The following EYA3 variants were observed in gnomAD, a reference collection of about 807,000 sequenced individuals.
The protein encoded by EYA3 is EYA transcriptional coactivator and phosphatase 3, also known as protein phosphatase EYA3.
In EYA3, 39 loss-of-function variants were observed where a neutral mutation model predicts 80.0. That is an observed-to-expected ratio of 0.49 (90% CI 0.38 to 0.64). The LOEUF (loss-of-function observed/expected upper bound fraction) is 0.64. Ranked by LOEUF, EYA3 falls within the 30% of genes least tolerant of loss-of-function variation. The probability of loss-of-function intolerance (pLI) is 0.00; values close to 1 mark genes in which losing one functional copy is unlikely to be tolerated. For missense variants in EYA3, 523 were observed against 676.1 expected (o/e 0.77, Z 2.51); for synonymous variants, 206 against 232.8 (o/e 0.88, Z 1.05).
intron 9 of EYA3, among the ~76,000 whole-genome samples, chr1:28,011,369 A>G (rs1641685447): frequency 1.3e-5 from 2 of 152,228 alleles, no homozygotes; most frequent in Non-Finnish European, 2.9e-5. Context: ...CTGAATCTTC[A>G]TGGTCAAACT....
intron 5 of EYA3, among the ~76,000 whole-genome samples, chr1:28,036,070 C>T (rs190810882): frequency 6.6e-6 from 1 of 152,346 alleles, no homozygotes; most frequent in Non-Finnish European, 1.5e-5. Flanking sequence ...CCACCTTGGC[C>T]TCCCAAACTG....
At chr1:28,010,360 C>T (rs1641601339) in intron 10 of EYA3, among the ~76,000 whole-genome samples, 2 of 152,110 alleles carry the variant, frequency 1.3e-5, no homozygotes, top group African/African-American at 4.8e-5. Context: ...CTTACAGAAA[C>T]TTGGCTAAAA....
At chr1:28,002,021 T>G (rs1640893401) in intron 11 of EYA3, among the ~76,000 whole-genome samples, 1 of 152,162 alleles carries the variant, frequency 6.6e-6, no homozygotes, top group African/African-American at 2.4e-5. Flanking sequence ...GTTCAAGCGA[T>G]TCTCCTGCCT....
intron 11 of EYA3, among the ~76,000 whole-genome samples, chr1:28,002,260 G>A (rs1232697892): frequency 2.6e-5 from 4 of 151,930 alleles, no homozygotes; most frequent in African/African-American, 9.7e-5. Context: ...TGTTGGCCAG[G>A]CTGGTCTCGA....
chr1:28,053,949 G>A (rs761457569), intron 2 of EYA3, among the ~76,000 whole-genome samples: 1 of 152,210 alleles, frequency 6.6e-6, no homozygotes, highest in Non-Finnish European at 1.5e-5. Flanking sequence ...AAGCATGCTA[G>A]TGCTAGGTAA....
intron 3 of EYA3, among the ~76,000 whole-genome samples, chr1:28,047,006 T>C (rs902747607): frequency 3.3e-5 from 5 of 151,592 alleles, no homozygotes; most frequent in African/African-American, 1.2e-4. Flanking sequence ...CCACCATTCC[T>C]GGATAATTGT....
chr1:27,992,461 G>A (rs1029866258), intron 14 of EYA3, among the ~76,000 whole-genome samples: 2 of 152,142 alleles, frequency 1.3e-5, no homozygotes, highest in African/African-American at 4.8e-5. Flanking sequence ...CTCACTTGCC[G>A]GCCTGCTCAC....
At chr1:28,088,071 G>A (rs1410328418) in intron 1 of EYA3, among the ~76,000 whole-genome samples, 1 of 152,178 alleles carries the variant, frequency 6.6e-6, no homozygotes, top group Non-Finnish European at 1.5e-5. Context: ...GGGGGACAAG[G>A]AACTAGGACC....
chr1:28,031,046 G>A (rs1230580464), intron 6 of EYA3, among the ~76,000 whole-genome samples: 1 of 152,058 alleles, frequency 6.6e-6, no homozygotes, highest in Non-Finnish European at 1.5e-5. Flanking sequence ...AATAACAATA[G>A]TATCAACTGA....
intron 5 of EYA3, among the ~76,000 whole-genome samples, chr1:28,036,346 T>TA (rs1483349781): frequency 2.0e-5 from 3 of 152,112 alleles, no homozygotes; most frequent in African/African-American, 7.2e-5. Flanking sequence ...AATCCTAATA[T>TA]AATAGAAAAC....
chr1:28,008,643 A>G (rs953020690), intron 10 of EYA3, among the ~76,000 whole-genome samples: 11 of 152,098 alleles, frequency 7.2e-5, no homozygotes, highest in Admixed American at 3.9e-4. Flanking sequence ...ACAATGAAAA[A>G]CCAAACAACC....
intron 14 of EYA3, among the ~76,000 whole-genome samples, chr1:27,991,462 C>G (rs1234548233): frequency 1.3e-5 from 2 of 152,128 alleles, no homozygotes; most frequent in Non-Finnish European, 2.9e-5. Context: ...TGGGAGCCTG[C>G]TCTCAGACAC....
rs955498196 is a variant in EYA3, at chr1:27,986,019, T to TA, written c.1540+2515dup. On this transcript the variant is annotated intron_variant, in intron 16 of 17. Transcript: ENST00000373871. ...CTTGATGTTTATTTTCTTTTTCCTT[T>TA]AAAAAAAAAAGCTGGTAAAATATGC... Among the ~76,000 whole-genome samples the TA allele has an allele frequency of 2.7e-3, 406 of 147,812 alleles. 3 individuals are homozygous for TA. The highest frequency in any genetic ancestry group is 8.0e-3 in the African/African-American group (323 of 40,412).
intron 10 of EYA3, among the ~76,000 whole-genome samples, chr1:28,004,947 G>A (rs1209133023): frequency 6.6e-6 from 1 of 151,906 alleles, no homozygotes; most frequent in Non-Finnish European, 1.5e-5. Context: ...TGGCTAAATT[G>A]ACTAAGGGAA....
chr1:28,037,884 G>A (rs949662170), intron 5 of EYA3, among the ~76,000 whole-genome samples: 1 of 152,154 alleles, frequency 6.6e-6, no homozygotes, highest in Admixed American at 6.5e-5. Flanking sequence ...GTATCCAGCA[G>A]CTGTAAGCAC....
chr1:28,084,572 TATATATATATATATATATATA>T (rs1645553303), intron 1 of EYA3, among the ~76,000 whole-genome samples: 2 of 11,654 alleles, frequency 1.7e-4, no homozygotes, highest in African/African-American at 3.5e-4. Flanking sequence ...TATATATATA[TATATATATATATATATATATA>T]TATTTTTTTT....
At chr1:28,048,272 G>A in intron 3 of EYA3, 111 bp downstream of exon 3, 1 of 611,084 alleles carries the variant, frequency 1.6e-6, no homozygotes, top group Non-Finnish European at 2.7e-6. Context: ...TGTAACAGCT[G>A]ATGGTAAGAA....
chr1:28,039,815 A>C (rs538584554), intron 4 of EYA3, among the ~76,000 whole-genome samples: 1 of 152,322 alleles, frequency 6.6e-6, no homozygotes, highest in African/African-American at 2.4e-5. Context: ...GAGGTATTTA[A>C]AAATAATTAT....
chr1:27,994,139 T>C (rs536117274), intron 13 of EYA3, among the ~76,000 whole-genome samples: 45 of 152,280 alleles, frequency 3.0e-4, no homozygotes, highest in African/African-American at 1.0e-3. Flanking sequence ...AAAATATAAA[T>C]AGAAAGTGAT....
Sources: allele counts gnomAD v4.1 joint callset (sites outside exome capture counted in the v4.1 genomes callset), GRCh38; gene constraint gnomAD v4.1.1; transcripts MANE v1.5; gene names NCBI Gene and HGNC (gene_info 2026-07-23, HGNC 2026-07-21).